The following TBX5 variants were observed in gnomAD, a reference collection of about 807,000 sequenced individuals.
TBX5 encodes T-box transcription factor 5.
In TBX5, 8 loss-of-function variants were observed where a neutral mutation model predicts 51.1. That is an observed-to-expected ratio of 0.16 (90% CI 0.09 to 0.28). The LOEUF is 0.28. TBX5 is among the 10% of genes least tolerant of loss of function. The pLI is 1.00. For synonymous variants in TBX5, 302 were observed against 266.4 expected (o/e 1.13, Z -1.30); for missense variants, 589 against 671.7 (o/e 0.88, Z 1.36).
chr12:114,408,168 A>C, upstream of TBX5: 1 of 985,340 alleles, frequency 1.0e-6, no homozygotes, highest in Non-Finnish European at 1.2e-6. Flanking sequence ...GCGGGAGGTA[A>C]ATTTCTCTCC....
At chr12:114,358,682 G>C (rs1869056240) in intron 8 of TBX5, among the ~76,000 whole-genome samples, 1 of 152,058 alleles carries the variant, frequency 6.6e-6, no homozygotes, top group Admixed American at 6.6e-5. Context: ...ACTCTTCCAG[G>C]TGTTCTATCT....
intron 7 of TBX5, among the ~76,000 whole-genome samples, chr12:114,369,454 T>C (rs1194141956): frequency 1.3e-5 from 2 of 152,226 alleles, no homozygotes; most frequent in African/African-American, 4.8e-5. Flanking sequence ...TGTTAATGCC[T>C]GAAATACGAT....
chr12:114,408,256 A>G (rs575879858), upstream of TBX5: 1,592 of 972,712 alleles, frequency 1.6e-3, no homozygotes, highest in Non-Finnish European at 1.8e-3. Context: ...AAAGACATAA[A>G]CCAACCCGGC....
intron 7 of TBX5, among the ~76,000 whole-genome samples, chr12:114,385,128 G>C (rs140148878): frequency 6.7e-6 from 1 of 150,226 alleles, no homozygotes; most frequent in African/African-American, 2.4e-5. Context: ...AGCATTCATC[G>C]GCTGTGACTT....
intron 3 of TBX5, among the ~76,000 whole-genome samples, chr12:114,400,150 T>A (rs895868508): frequency 2.0e-5 from 3 of 152,150 alleles, no homozygotes; most frequent in Non-Finnish European, 4.4e-5. Flanking sequence ...CCGACCTTGC[T>A]TTGGTCCTCT....
chr12:114,378,512 T>A (rs1389279084), intron 7 of TBX5, among the ~76,000 whole-genome samples: 1 of 152,252 alleles, frequency 6.6e-6, no homozygotes, highest in Admixed American at 6.5e-5. Flanking sequence ...GACACTGTGC[T>A]GTGTGCTTCC....
At chr12:114,382,702 G>A (rs1486965581) in intron 7 of TBX5, among the ~76,000 whole-genome samples, 4 of 152,118 alleles carry the variant, frequency 2.6e-5, no homozygotes, top group Non-Finnish European at 2.9e-5. Context: ...GAGGCTGAGG[G>A]AGGAGACTCT....
At chr12:114,367,719 G>A (rs920502906) in intron 7 of TBX5, among the ~76,000 whole-genome samples, 9 of 152,162 alleles carry the variant, frequency 5.9e-5, no homozygotes, top group African/African-American at 2.2e-4. Flanking sequence ...AAATATCCAA[G>A]TATGTGAGAG....
At position 114,375,741 on chromosome 12, in the gene TBX5, A is replaced by C. The variant is rs7136791; in HGVS notation, c.756-9350T>G. ...GAACACAGTATGGAGGTTCCCAAAAAAATTAAAAATAGAACTATCAGCCAG... is the reference window on the plus strand; with the variant it reads ...GAACACAGTATGGAGGTTCCCAAAACAATTAAAAATAGAACTATCAGCCAG... On this transcript the variant is annotated intron_variant, in intron 7 of 8. Coordinates refer to ENST00000405440, the MANE Select transcript of TBX5 (RefSeq NM_181486.4). Among the ~76,000 whole-genome samples the C allele has an allele frequency of 2.3e-3, 349 of 152,254 alleles. 3 individuals are homozygous for C. The highest frequency in any genetic ancestry group is 8.0e-3 in the African/African-American group (331 of 41,536).
chr12:114,398,520 G>C (rs1425938089), intron 5 of TBX5, 53 bp downstream of exon 5: 26 of 1,592,200 alleles, frequency 1.6e-5, no homozygotes, highest in Middle Eastern at 1.6e-4. Context: ...GTGAGAAGAA[G>C]GGAGAGAGGA....
chr12:114,383,364 G>T (rs1198341016), intron 7 of TBX5, among the ~76,000 whole-genome samples: 1 of 152,230 alleles, frequency 6.6e-6, no homozygotes, highest in Non-Finnish European at 1.5e-5. Context: ...ATAAAGGAAA[G>T]AACACAGGTT....
chr12:114,395,239 G>A (rs1047529806), intron 5 of TBX5, among the ~76,000 whole-genome samples: 8 of 152,142 alleles, frequency 5.3e-5, no homozygotes, highest in East Asian at 1.9e-4. Context: ...AGGAATCCGC[G>A]TCTGGAGGGA....
At position 114,355,790 on chromosome 12, in the gene TBX5, C is replaced by A. The variant is rs777099745; in HGVS notation, c.1299G>T (p.Gly433=). Residue 433 remains glycine, a synonymous_variant, in exon 9 of 9, where the codon GGG becomes GGT. Coordinates refer to ENST00000405440, the MANE Select transcript of TBX5 (RefSeq NM_181486.4). Reference sequence around the variant, plus strand: ...TGCCAGCCAGCCGAGGGACCAGGGGCCCCGAGGTGAAGTGAGCGGAGAAGT... The same window carrying A: ...TGCCAGCCAGCCGAGGGACCAGGGGACCCGAGGTGAAGTGAGCGGAGAAGT... The part of the protein sequence containing the change: ...YQHFSAHFTS[G]PLVPRLAGMA... 2.5e-6 allele frequency: 4 copies of A among 1,614,136 alleles called. No individual in the cohort carries two copies. The African/African-American group carries it at 4.0e-5, about 16-fold the overall frequency.
rs898003848 is a variant in TBX5 at position 114,404,462 on chromosome 12, C to A, written c.-38-526G>T. ...AGCAGGCAGAAATGTGTGAAATAAC[C>A]CGCCTCTTGCAAAAAGAAAAACACA... On this transcript the variant is annotated intron_variant, in intron 1 of 8. Coordinates refer to ENST00000405440, the MANE Select transcript of TBX5 (RefSeq NM_181486.4). 3.3e-5 allele frequency among the ~76,000 whole-genome samples: 5 copies of A among 149,660 alleles called. No individual in the cohort carries two copies. The East Asian group carries it at 9.7e-4, about 29-fold the overall frequency.
chr12:114,392,347 C>CAT (rs1482887514), intron 6 of TBX5, among the ~76,000 whole-genome samples: 5 of 152,060 alleles, frequency 3.3e-5, no homozygotes, highest in South Asian at 2.1e-4. Flanking sequence ...CACAGGTATA[C>CAT]ATATATATAC....
chr12:114,384,427 C>T (rs1384133525), intron 7 of TBX5, among the ~76,000 whole-genome samples: 1 of 152,116 alleles, frequency 6.6e-6, no homozygotes, highest in Non-Finnish European at 1.5e-5. Context: ...AGGAACATGC[C>T]ACCTGGGCTA....
chr12:114,403,350 C>G (rs896997739), intron 2 of TBX5, among the ~76,000 whole-genome samples: 1 of 152,210 alleles, frequency 6.6e-6, no homozygotes, highest in Admixed American at 6.5e-5. Flanking sequence ...TCGCTCATGC[C>G]GGCCTGAATC....
rs1388916093 is a variant in TBX5, at chr12:114,398,590, G to A, written c.493C>T (p.Leu165=). 6.2e-7 allele frequency: 1 copy of A among 1,613,590 alleles called. No individual in the cohort carries two copies. Among genetic ancestry groups the A allele is most frequent in the Non-Finnish European group, 8.5e-7 (1 of 1,179,882 alleles). Reference sequence around the variant, plus strand: ...GTACTCACATGCCCAAATGGGTCCAGGTGGTTGTTGGTGAGCTTGAGTTTC... The same window carrying A: ...GTACTCACATGCCCAAATGGGTCCAAGTGGTTGTTGGTGAGCTTGAGTTTC... The part of the protein sequence containing the change: ...FQKLKLTNNH[L]DPFGHIILNS... Residue 165 remains leucine, a synonymous_variant, in exon 5 of 9, where the codon CTG becomes TTG. Coordinates refer to ENST00000405440, the MANE Select transcript of TBX5 (RefSeq NM_181486.4).
At chr12:114,404,045 T>G (rs1593886951) in intron 1 of TBX5, 109 bp from the exon 2 acceptor site, 1 of 1,225,630 alleles carries the variant, frequency 8.2e-7, no homozygotes, top group Non-Finnish European at 1.1e-6. Flanking sequence ...TGGCCCCCAG[T>G]TTCCAGCTAC....
Sources: gnomAD v4.1 joint callset for allele counts (sites outside exome capture counted in the v4.1 genomes callset) on GRCh38, gnomAD v4.1.1 for gene constraint, MANE v1.5 for transcripts, NCBI Gene and HGNC (gene_info 2026-07-23, HGNC 2026-07-21) for gene names.